The following CAMK1D variants were observed in gnomAD, a reference collection of about 807,000 sequenced individuals.
CAMK1D encodes the protein calcium/calmodulin-dependent protein kinase type 1D.
In CAMK1D, 9 loss-of-function variants were observed where a neutral mutation model predicts 47.7. The ratio of observed to expected loss-of-function variants is 0.19; its 90% CI spans 0.11 to 0.33. CAMK1D has a LOEUF of 0.33. CAMK1D is among the 10% of genes least tolerant of loss of function. CAMK1D has a pLI of 1.00. For synonymous variants in CAMK1D, 184 were observed against 184.9 expected (o/e 0.99, Z 0.04); for missense variants, 291 against 488.7 (o/e 0.60, Z 3.81).
At chr10:12,804,175 T>C (rs1838610788) in intron 6 of CAMK1D, among the ~76,000 whole-genome samples, 1 of 152,234 alleles carries the variant, frequency 6.6e-6, no homozygotes, top group Non-Finnish European at 1.5e-5. Flanking sequence ...TGGGAAAATT[T>C]GGTTCAATTT....
intron 3 of CAMK1D, among the ~76,000 whole-genome samples, chr10:12,709,705 A>G (rs1833865298): frequency 6.6e-6 from 1 of 152,214 alleles, no homozygotes; most frequent in African/African-American, 2.4e-5. Context: ...CTCTGTAGCA[A>G]CATCCATGAA....
At chr10:12,816,198 C>A in intron 7 of CAMK1D, 52 bp from the exon 8 acceptor site, 1 of 1,481,442 alleles carries the variant, frequency 6.8e-7, no homozygotes, top group South Asian at 1.2e-5. Context: ...ATCATATTGT[C>A]ACATCTCAAG....
At chr10:12,590,716 TA>T (rs1837971501) in intron 2 of CAMK1D, among the ~76,000 whole-genome samples, 1 of 152,236 alleles carries the variant, frequency 6.6e-6, no homozygotes, top group Non-Finnish European at 1.5e-5. Flanking sequence ...GCCTGTAGAA[TA>T]AAAGAGCCAT....
intron 3 of CAMK1D, among the ~76,000 whole-genome samples, chr10:12,693,952 T>C (rs1317455491): frequency 3.0e-5 from 2 of 66,616 alleles, no homozygotes; most frequent in African/African-American, 1.2e-4. Flanking sequence ...ATATATAATA[T>C]ATATTATATA....
chr10:12,769,786 T>G lies in CAMK1D; in HGVS notation c.552T>G (p.Thr184=). ...ATGTGATGTCCACTGCCTGTGGAAC[T>G]CCAGGCTATGTCGGTAAGGACAGTG... ...KGDVMSTACG[T]PGYVAPEVLA... Residue 184 remains threonine, a synonymous_variant, in exon 5 of 11, where the codon ACT becomes ACG. Coordinates refer to ENST00000619168, the MANE Select transcript of CAMK1D (RefSeq NM_153498.4). The G allele has an allele frequency of 6.2e-7, 1 of 1,614,146 alleles. No individual in the cohort carries two copies. The highest frequency in any genetic ancestry group is 8.5e-7 in the Non-Finnish European group (1 of 1,179,952).
intron 6 of CAMK1D, 82 bp downstream of exon 6, chr10:12,791,315 A>G: frequency 1.6e-6 from 2 of 1,259,252 alleles, no homozygotes; most frequent in Non-Finnish European, 2.3e-6. Context: ...AAAATTTACC[A>G]TTTTTAAGGG....
chr10:12,476,424 C>T (rs1833904963), intron 1 of CAMK1D, among the ~76,000 whole-genome samples: 1 of 151,958 alleles, frequency 6.6e-6, no homozygotes. Context: ...TTAGGGCACC[C>T]CAGAACAGGG....
At chr10:12,419,016 T>C (rs1381736685) in intron 1 of CAMK1D, among the ~76,000 whole-genome samples, 3 of 152,206 alleles carry the variant, frequency 2.0e-5, no homozygotes, top group African/African-American at 7.2e-5. Context: ...ACATTGGTGC[T>C]TGACTTTCCC....
At chr10:12,354,132 A>G (rs893786454) in intron 1 of CAMK1D, among the ~76,000 whole-genome samples, 2 of 152,186 alleles carry the variant, frequency 1.3e-5, no homozygotes, top group Admixed American at 6.5e-5. Context: ...CCTGGAGTAC[A>G]GAACATGGCA....
intron 1 of CAMK1D, among the ~76,000 whole-genome samples, chr10:12,364,715 C>T: frequency 6.6e-6 from 1 of 152,110 alleles, no homozygotes; most frequent in East Asian, 1.9e-4. Flanking sequence ...ATAAACTGGC[C>T]TTGGTGGGAC....
intron 2 of CAMK1D, among the ~76,000 whole-genome samples, chr10:12,561,924 G>C (rs995307527): frequency 6.6e-6 from 1 of 152,134 alleles, no homozygotes; most frequent in African/African-American, 2.4e-5. Context: ...TCTTGAGTAG[G>C]CATGTTGGTT....
At chr10:12,767,975 C>T in intron 4 of CAMK1D, among the ~76,000 whole-genome samples, 1 of 152,102 alleles carries the variant, frequency 6.6e-6, no homozygotes, top group East Asian at 1.9e-4. Flanking sequence ...TGGGTTCAAG[C>T]AATTCTCCTG....
chr10:12,819,697 C>T (rs1832947254), intron 8 of CAMK1D, among the ~76,000 whole-genome samples: 1 of 152,228 alleles, frequency 6.6e-6, no homozygotes, highest in Non-Finnish European at 1.5e-5. Context: ...GGGTCCCTGA[C>T]ATCTGTTAGG....
chr10:12,764,847 G>A (rs1173469425), intron 4 of CAMK1D, among the ~76,000 whole-genome samples: 1 of 152,196 alleles, frequency 6.6e-6, no homozygotes, highest in Non-Finnish European at 1.5e-5. Flanking sequence ...TGTAATCCCA[G>A]CACATTGGGA....
chr10:12,436,860 C>T (rs1167365725), intron 1 of CAMK1D, among the ~76,000 whole-genome samples: 2 of 152,156 alleles, frequency 1.3e-5, no homozygotes, highest in South Asian at 2.1e-4. Context: ...TTTGATGATT[C>T]GCTCCACGGA....
At chr10:12,490,705 T>C (rs60586595) in intron 1 of CAMK1D, among the ~76,000 whole-genome samples, 6,687 of 152,044 alleles carry the variant, frequency 0.044, 466 homozygotes, top group East Asian at 0.34. Flanking sequence ...ATTAGCCAGG[T>C]GTGGTGGCAC....
intron 1 of CAMK1D, among the ~76,000 whole-genome samples, chr10:12,366,097 C>A (rs2131848705): frequency 6.6e-6 from 1 of 152,318 alleles, no homozygotes; most frequent in East Asian, 1.9e-4. Context: ...GTGTCACATT[C>A]ACCTCTTGAA....
At chr10:12,583,027 C>T (rs1233212437) in intron 2 of CAMK1D, among the ~76,000 whole-genome samples, 2 of 152,132 alleles carry the variant, frequency 1.3e-5, no homozygotes, top group Non-Finnish European at 2.9e-5. Context: ...CACTTGAGCC[C>T]AGGAGTTGAG....
intron 2 of CAMK1D, among the ~76,000 whole-genome samples, chr10:12,662,032 T>A (rs1840287607): frequency 6.6e-6 from 1 of 152,240 alleles, no homozygotes; most frequent in Non-Finnish European, 1.5e-5. Context: ...ATAGTACTGC[T>A]AGGTTTGCAG....
Sources: gnomAD v4.1 joint callset for allele counts (sites outside exome capture counted in the v4.1 genomes callset) on GRCh38, gnomAD v4.1.1 for gene constraint, MANE v1.5 for transcripts, NCBI Gene and HGNC (gene_info 2026-07-23, HGNC 2026-07-21) for gene names.